The following RGS12 variants were observed in gnomAD, a reference collection of about 807,000 sequenced individuals.
RGS12 encodes the protein regulator of G-protein signaling 12.
A neutral mutation model predicts 120.1 loss-of-function variants in RGS12; 66 were observed. The observed-to-expected ratio is 0.55, with a 90% confidence interval of 0.45 to 0.67. RGS12 has a LOEUF of 0.67. Ranked by LOEUF, RGS12 falls within the 30% of genes least tolerant of loss-of-function variation. RGS12 has a pLI of 0.00. For synonymous variants in RGS12, 827 were observed against 804.7 expected, an observed-to-expected ratio of 1.03 and a Z score of -0.47; for missense variants, 1,859 against 1,957.7, an observed-to-expected ratio of 0.95 and a Z score of 0.95.
chr4:3,398,437 A>G (rs1418369344), intron 4 of RGS12, among the ~76,000 whole-genome samples: 1 of 152,248 alleles, frequency 6.6e-6, no homozygotes, highest in Non-Finnish European at 1.5e-5. Flanking sequence ...GTTTGAGACC[A>G]GCCTGGGCAA....
chr4:3,334,190 C>A (rs1239712566), intron 2 of RGS12, among the ~76,000 whole-genome samples: 1 of 152,084 alleles, frequency 6.6e-6, no homozygotes, highest in South Asian at 2.1e-4. Flanking sequence ...ATCTAGCTAC[C>A]CTATTAAGGT....
In RGS12 at chr4:3,389,570, G is replaced by C. The variant is rs1543787; in HGVS notation, c.2020+3133G>C. On this transcript the variant is annotated intron_variant, in intron 4 of 17. Coordinates refer to ENST00000336727, the MANE Select transcript of RGS12 (RefSeq NM_001394154.1). The surrounding 1 kb of genome is among the most constrained non-coding windows in gnomAD (Gnocchi z 5.2). Reference sequence around the variant, plus strand: ...GGCCGCACAGAAGCCCGTTCTTGTGGCTTCCTCCGTTGGTCAAGCTCTGTG... The same window carrying C: ...GGCCGCACAGAAGCCCGTTCTTGTGCCTTCCTCCGTTGGTCAAGCTCTGTG... Among the ~76,000 whole-genome samples, 100,293 of 152,008 alleles carry C rather than the reference G, an allele frequency of 0.66. 33,844 individuals are homozygous for C. Among genetic ancestry groups the C allele is most frequent in the East Asian group, 0.99 (5,109 of 5,164 alleles).
intron 3 of RGS12, among the ~76,000 whole-genome samples, chr4:3,356,592 C>A (rs1714921686): frequency 6.7e-6 from 1 of 149,482 alleles, no homozygotes; most frequent in African/African-American, 2.5e-5. Context: ...ATGATTTGGA[C>A]TATTCTAGGT....
chr4:3,404,485 C>G (rs1720908986), intron 4 of RGS12, among the ~76,000 whole-genome samples: 3 of 152,172 alleles, frequency 2.0e-5, no homozygotes, highest in Non-Finnish European at 2.9e-5. Context: ...GGGTGTGGGT[C>G]AGTCGTTCTT....
At chr4:3,375,438 CCTCATCTCCAG>C in intron 3 of RGS12, among the ~76,000 whole-genome samples, 1 of 76,166 alleles carries the variant, frequency 1.3e-5, no homozygotes, top group Non-Finnish European at 3.0e-5. Flanking sequence ...TCATCTCCAG[CCTCATCTCCAG>C]CCTCATCTCC....
At position 3,316,771 on chromosome 4, in the gene RGS12, A is replaced by G. The variant is rs746879300; in HGVS notation, c.601A>G (p.Lys201Glu). The G allele has an allele frequency of 3.1e-6, 5 of 1,614,238 alleles. No individual in the cohort carries two copies. In the South Asian group the frequency reaches 5.5e-5, roughly 18 times the overall value. Residue 201 changes from lysine to glutamate, a missense_variant, in exon 2 of 18, where the codon AAA becomes GAA. Lys to Glu is a moderately conservative substitution (Grantham distance 56). Around this residue, in one of 3 missense-constraint regions of RGS12, gnomAD observed 967 missense variants for 994.2 expected, o/e 0.97. Coordinates refer to ENST00000336727, the MANE Select transcript of RGS12 (RefSeq NM_001394154.1). ...PNMLSKEEIS[K>E]VIHDDSVFSI... Reference sequence around the variant, plus strand: ...CATGCTTTCTAAGGAGGAAATATCAAAAGTTATTCATGATGATTCGGTTTT... The same window carrying G: ...CATGCTTTCTAAGGAGGAAATATCAGAAGTTATTCATGATGATTCGGTTTT...
intron 2 of RGS12, among the ~76,000 whole-genome samples, chr4:3,327,429 G>A (rs1725624399): frequency 6.6e-6 from 1 of 152,158 alleles, no homozygotes; most frequent in Admixed American, 6.5e-5. Context: ...AACAAAATTG[G>A]ACAAGTGGGA....
the RGS12 span, among the ~76,000 whole-genome samples, chr4:3,286,328 C>T: frequency 3.3e-5 from 5 of 152,180 alleles, no homozygotes; most frequent in African/African-American, 4.8e-5. Flanking sequence ...GCAGCCTGCC[C>T]GGTTTCTGTT....
At chr4:3,384,883 C>T (rs1371268958) in intron 3 of RGS12, among the ~76,000 whole-genome samples, 1 of 152,300 alleles carries the variant, frequency 6.6e-6, no homozygotes, top group Non-Finnish European at 1.5e-5. Context: ...GGCCAGGCTG[C>T]GTCGGGGCAT....
rs561631353 is a variant in RGS12 at position 3,432,543 on chromosome 4, C to G, written c.4114+1588C>G. On this transcript the variant is annotated intron_variant, in intron 17 of 17. Coordinates refer to ENST00000336727, the MANE Select transcript of RGS12 (RefSeq NM_001394154.1). ...TGTCAGGCTGCCTGGGAGGGCCAGA[C>G]AGACCCACGTGGGGGGTCAGTTCTC... Among the ~76,000 whole-genome samples the G allele has an allele frequency of 1.3e-3, 205 of 152,342 alleles. 2 individuals are homozygous for G. The highest frequency in any genetic ancestry group is 4.7e-3 in the African/African-American group (195 of 41,582).
chr4:3,384,088 A>G (rs1718555852), intron 3 of RGS12, among the ~76,000 whole-genome samples: 2 of 152,130 alleles, frequency 1.3e-5, no homozygotes, highest in Admixed American at 1.3e-4. Context: ...TATTGACAGC[A>G]TTTCTGATTT....
chr4:3,357,801 T>C (rs2108824890), intron 3 of RGS12, among the ~76,000 whole-genome samples: 1 of 152,324 alleles, frequency 6.6e-6, no homozygotes, highest in East Asian at 1.9e-4. Flanking sequence ...CCTCTAGCTT[T>C]GTTCTTCTTT....
intron 3 of RGS12, among the ~76,000 whole-genome samples, chr4:3,360,269 T>C (rs1003363574): frequency 6.6e-6 from 1 of 152,228 alleles, no homozygotes; most frequent in Non-Finnish European, 1.5e-5. Context: ...CCTTAGTTCA[T>C]TGAGCAAAGG....
chr4:3,399,855 G>A (rs1720403787), intron 4 of RGS12, among the ~76,000 whole-genome samples: 1 of 152,232 alleles, frequency 6.6e-6, no homozygotes, highest in Admixed American at 6.5e-5. Context: ...ACTGCAGTTT[G>A]GCTTTGTTTT....
intron 4 of RGS12, among the ~76,000 whole-genome samples, chr4:3,406,705 A>T (rs923420143): frequency 6.6e-6 from 1 of 152,198 alleles, no homozygotes; most frequent in Non-Finnish European, 1.5e-5. Flanking sequence ...CCTTGAACCA[A>T]GACCCAGGAG....
upstream of RGS12, among the ~76,000 whole-genome samples, chr4:3,292,133 C>G (rs1723055889): frequency 6.6e-6 from 1 of 152,112 alleles, no homozygotes; most frequent in South Asian, 2.1e-4. Flanking sequence ...GGGAAAAACG[C>G]GGCGGGAGAG....
intron 3 of RGS12, among the ~76,000 whole-genome samples, chr4:3,383,592 C>T (rs974916669): frequency 1.4e-5 from 2 of 144,288 alleles, no homozygotes; most frequent in Non-Finnish European, 1.5e-5. Flanking sequence ...GGTGACAGAG[C>T]GAGACTGTCA....
intron 1 of RGS12, among the ~76,000 whole-genome samples, chr4:3,309,980 G>GA (rs61462434): frequency 2.0e-4 from 29 of 144,568 alleles, no homozygotes; most frequent in African/African-American, 5.7e-4. Context: ...TGGGACCCGG[G>GA]AATGGCAGGT....
chr4:3,400,449 C>T (rs536934095), intron 4 of RGS12, among the ~76,000 whole-genome samples: 8 of 152,032 alleles, frequency 5.3e-5, no homozygotes, highest in Non-Finnish European at 7.4e-5. Context: ...AACAAAACAA[C>T]GGATTGTGTT....
Sources: gnomAD v4.1 joint callset for allele counts (sites outside exome capture counted in the v4.1 genomes callset) on GRCh38, gnomAD v4.1.1 for gene constraint, gnomAD v4.1.1 regional missense constraint, Gnocchi (gnomAD v3.1) non-coding constraint, MANE v1.5 for transcripts, NCBI Gene and HGNC (gene_info 2026-07-23, HGNC 2026-07-21) for gene names.